HSD17B14: variants seen among roughly 807,000 people sequenced by gnomAD.
HSD17B14 encodes the protein L-fucose dehydrogenase.
In HSD17B14, 32 loss-of-function variants were observed where a neutral mutation model predicts 32.2. That is an observed-to-expected ratio of 0.99 (90% CI 0.75 to 1.33). The LOEUF is 1.33. HSD17B14 is among the 40% of genes most tolerant of loss of function. HSD17B14 has a pLI of 0.00. For synonymous variants in HSD17B14, 140 were observed against 155.4 expected, an observed-to-expected ratio of 0.90 and a Z score of 0.74; for missense variants, 370 against 366.5, an observed-to-expected ratio of 1.01 and a Z score of -0.08.
chr19:48,816,490 G>A (rs975411552), intron 5 of HSD17B14, among the ~76,000 whole-genome samples: 1 of 152,124 alleles, frequency 6.6e-6, no homozygotes, highest in Non-Finnish European at 1.5e-5. Flanking sequence ...TCTTAGGGTG[G>A]CCAGCCATCC....
intron 5 of HSD17B14, 62 bp downstream of exon 5, chr19:48,831,606 C>T: frequency 9.1e-7 from 1 of 1,098,310 alleles, no homozygotes; most frequent in Non-Finnish European, 1.4e-6. Context: ...AGACAAAATG[C>T]ATCACACAAT....
At chr19:48,820,902 CCAT>C (rs1172479545) in intron 5 of HSD17B14, among the ~76,000 whole-genome samples, 1 of 151,964 alleles carries the variant, frequency 6.6e-6, no homozygotes, top group Non-Finnish European at 1.5e-5. Flanking sequence ...CAGGTTTTCA[CCAT>C]ATTGGCCAGG....
rs1224864211 is a variant in HSD17B14 at position 48,831,773 on chromosome 19, T to A, written c.278-14A>T. 2 of 1,504,918 alleles carry A rather than the reference T, an allele frequency of 1.3e-6. No homozygotes were observed. Among genetic ancestry groups the A allele is most frequent in the Non-Finnish European group, 1.8e-6 (2 of 1,091,588 alleles). The allele number at this position is 1,504,918 out of a possible 1,614,324, so 93.2% of individuals were successfully genotyped here. A position where few individuals can be genotyped will look rare whatever the true frequency, so the allele number is the denominator to read the frequency against. Reference sequence around the variant, plus strand: ...GTGGGGGTGGGTCTAAAGTGGGGGGTGAGAGAGAGAGGAAAAGTGACGGGG... The same window carrying A: ...GTGGGGGTGGGTCTAAAGTGGGGGGAGAGAGAGAGAGGAAAAGTGACGGGG... On this transcript the variant is annotated splice_polypyrimidine_tract_variant and intron_variant, in intron 4 of 8. Coordinates refer to ENST00000263278, the MANE Select transcript of HSD17B14 (RefSeq NM_016246.3).
intron 3 of HSD17B14, among the ~76,000 whole-genome samples, chr19:48,833,180 C>G (rs138485346): frequency 6.6e-6 from 1 of 150,818 alleles, no homozygotes; most frequent in African/African-American, 2.4e-5. Context: ...GAGGGGACTC[C>G]GAGATCAGCA....
At chr19:48,822,914 G>A (rs890711452) in intron 5 of HSD17B14, among the ~76,000 whole-genome samples, 2 of 152,016 alleles carry the variant, frequency 1.3e-5, no homozygotes, top group African/African-American at 2.4e-5. Flanking sequence ...TGGTGAGGGT[G>A]GTAACAATGG....
At chr19:48,822,195 GAT>G (rs2035165742) in intron 5 of HSD17B14, among the ~76,000 whole-genome samples, 1 of 145,540 alleles carries the variant, frequency 6.9e-6, no homozygotes, top group Non-Finnish European at 1.5e-5. Flanking sequence ...TAATGATGGT[GAT>G]GATGATGATG....
rs200446358 is a variant in HSD17B14 at position 48,832,650 on chromosome 19, G to T, written c.277+16C>A. ...GGGCAGGAGGTGGAGAATGGCCCTG[G>T]GGTCTCACAACTCACGGTGGCCAGC... On this transcript the variant is annotated intron_variant, in intron 4 of 8. Coordinates refer to ENST00000263278, the MANE Select transcript of HSD17B14 (RefSeq NM_016246.3). 5 of 1,610,858 alleles carry T rather than the reference G, an allele frequency of 3.1e-6. No homozygotes were observed. The East Asian group carries it at 1.1e-4, about 36-fold the overall frequency.
At chr19:48,824,271 A>G (rs931088789) in intron 5 of HSD17B14, among the ~76,000 whole-genome samples, 1 of 149,762 alleles carries the variant, frequency 6.7e-6, no homozygotes, top group African/African-American at 2.5e-5. Context: ...AACTAAAAAA[A>G]AAAAAAATTA....
At chr19:48,832,379 AAAAAAAAAG>A (rs1438238382) in intron 4 of HSD17B14, among the ~76,000 whole-genome samples, 1 of 151,422 alleles carries the variant, frequency 6.6e-6, no homozygotes, top group East Asian at 1.9e-4. Context: ...ACTCCATCTG[AAAAAAAAAG>A]AAAAGAAAGA....
intron 5 of HSD17B14, among the ~76,000 whole-genome samples, chr19:48,819,917 G>A (rs977302128): frequency 1.5e-4 from 23 of 152,244 alleles, no homozygotes; most frequent in African/African-American, 5.5e-4. Context: ...GGAGGCTGAA[G>A]TGGGAGGATC....
chr19:48,818,045 C>T (rs2035085263), intron 5 of HSD17B14, among the ~76,000 whole-genome samples: 1 of 152,208 alleles, frequency 6.6e-6, no homozygotes, highest in South Asian at 2.1e-4. Context: ...GGCACAGTGG[C>T]TCACACCTGT....
At chr19:48,824,607 A>G (rs548242158) in intron 5 of HSD17B14, among the ~76,000 whole-genome samples, 5 of 148,468 alleles carry the variant, frequency 3.4e-5, no homozygotes, top group Non-Finnish European at 6.0e-5. Flanking sequence ...TGCCTCTACT[A>G]AAAAAAAAAT....
intron 5 of HSD17B14, among the ~76,000 whole-genome samples, chr19:48,827,848 CT>C (rs996061774): frequency 7.5e-5 from 10 of 132,946 alleles, no homozygotes; most frequent in African/African-American, 2.1e-4. Context: ...CTTCTCCTTC[CT>C]TTTTTTTTTC....
intron 5 of HSD17B14, among the ~76,000 whole-genome samples, chr19:48,829,830 A>G (rs1049887414): frequency 2.0e-5 from 3 of 150,760 alleles, no homozygotes; most frequent in Admixed American, 2.0e-4. Flanking sequence ...TTTAATAGAG[A>G]TGGGGTTTCT....
Position 48,813,192 on chromosome 19 carries a change from G to A in HSD17B14, c.796C>T (p.Pro266Ser), listed in dbSNP as rs767855357. The change falls in exon 9 of 9, where the codon CCC becomes TCC. Residue 266 changes from proline to serine, a missense_variant. Pro to Ser is a moderately conservative substitution (Grantham distance 74). Coordinates refer to ENST00000263278, the MANE Select transcript of HSD17B14 (RefSeq NM_016246.3). ...KASRSTPVDA[P>S]DIPS is the part of the protein sequence containing the mutation. ...GAGAGAAATCAGGAAGGGATATCGG[G>A]GGCGTCCACGGGGGTGCTCCGACTG... 6.3e-7 allele frequency: 1 copy of A among 1,598,144 alleles called. No homozygotes were observed. The highest frequency in any genetic ancestry group is 1.7e-5 in the Admixed American group (1 of 57,552).
Position 48,834,559 on chromosome 19 carries a change from G to C in HSD17B14, c.128-201C>G, listed in dbSNP as rs1253751569. Among the ~76,000 whole-genome samples the C allele has an allele frequency of 3.6e-5, 3 of 83,718 alleles. 1 individual carries two copies. In the East Asian group the frequency reaches 1.0e-3, roughly 29 times the overall value. 54.9% of individuals were successfully genotyped at this position (83,718 alleles called of 152,430 possible). The stretch of plus-strand genomic sequence containing the variant: ...GACTCCTGGGTCTGAGGGAGGAAGG[G>C]CTGGGAGCCTGGACTCCTGGGTCCG... On this transcript the variant is annotated intron_variant, in intron 2 of 8. Coordinates refer to ENST00000263278, the MANE Select transcript of HSD17B14 (RefSeq NM_016246.3).
At chr19:48,830,409 A>AT (rs2035317765) in intron 5 of HSD17B14, among the ~76,000 whole-genome samples, 1 of 151,848 alleles carries the variant, frequency 6.6e-6, no homozygotes, top group South Asian at 2.1e-4. Context: ...TCCTGTAACC[A>AT]TTTATCTTTC....
chr19:48,815,114 G>C lies in HSD17B14; in HGVS notation c.397C>G (p.Gln133Glu). 6.2e-7 allele frequency: 1 copy of C among 1,613,968 alleles called. No homozygotes were observed. Among genetic ancestry groups the C allele is most frequent in the South Asian group, 1.1e-5 (1 of 91,074 alleles). The part of the protein sequence containing the change: ...KLALPYLRKS[Q>E]GNVINISSLV... ...CTGGAGATGTTGATGACATTCCCTT[G>C]ACTCTTCCGCAGGTAGGGGAGGGCG... Residue 133 changes from glutamine (Q) to glutamate (E), a missense_variant, in exon 6 of 9, where the codon CAA becomes GAA. By Grantham distance (29) the Gln-to-Glu change is conservative. Coordinates refer to ENST00000263278, the MANE Select transcript of HSD17B14 (RefSeq NM_016246.3).
intron 5 of HSD17B14, 78 bp from the exon 6 acceptor site, chr19:48,815,219 T>G: frequency 2.7e-6 from 3 of 1,098,402 alleles, no homozygotes; most frequent in Non-Finnish European, 2.8e-6. Context: ...ACAGCCATCC[T>G]GATGTCTGGG....
Sources: allele counts gnomAD v4.1 joint callset (sites outside exome capture counted in the v4.1 genomes callset), GRCh38; gene constraint gnomAD v4.1.1; transcripts MANE v1.5; gene names NCBI Gene and HGNC (gene_info 2026-07-23, HGNC 2026-07-21).